Variants in NBAS observed in about 807,000 individuals in gnomAD.
The protein encoded by NBAS is NBAS subunit of NRZ tethering complex.
In NBAS, 219 loss-of-function variants were observed where a neutral mutation model predicts 302.5. The ratio of observed to expected loss-of-function variants is 0.72; its 90% CI spans 0.65 to 0.81. NBAS has a LOEUF of 0.81. Ranked by LOEUF, NBAS falls within the 30% of genes least tolerant of loss-of-function variation. NBAS has a pLI of 0.00. For missense variants in NBAS, 2,932 were observed against 2,841.6 expected (o/e 1.03, Z -0.72); for synonymous variants, 1,118 against 1,021.6 (o/e 1.09, Z -1.80).
chr2:15,318,439 G>A (rs993546663), intron 38 of NBAS, among the ~76,000 whole-genome samples: 2 of 152,114 alleles, frequency 1.3e-5, no homozygotes, highest in Non-Finnish European at 2.9e-5. Flanking sequence ...CCAATTAAAA[G>A]ACACAGACTG....
At chr2:15,252,218 G>A (rs927703285) in intron 44 of NBAS, among the ~76,000 whole-genome samples, 1 of 152,116 alleles carries the variant, frequency 6.6e-6, no homozygotes, top group African/African-American at 2.4e-5. Context: ...TGAACATAGC[G>A]CCGGGCACAG....
chr2:14,821,221 G>A, the NBAS span, among the ~76,000 whole-genome samples: 1 of 152,140 alleles, frequency 6.6e-6, no homozygotes, highest in Admixed American at 6.5e-5. Context: ...CACCGCGCCC[G>A]GCCAACAGAG....
intron 50 of NBAS, among the ~76,000 whole-genome samples, chr2:15,182,825 T>C (rs1664890672): frequency 6.6e-6 from 1 of 152,220 alleles, no homozygotes; most frequent in Non-Finnish European, 1.5e-5. Flanking sequence ...AGGAAAACCA[T>C]CATGGCCATA....
chr2:15,157,459 T>A, the NBAS span, among the ~76,000 whole-genome samples: 9 of 152,250 alleles, frequency 5.9e-5, no homozygotes, highest in East Asian at 1.2e-3. Flanking sequence ...CTTCCACAGC[T>A]CCCAGTGTGC....
At chr2:15,084,760 G>A in the NBAS span, among the ~76,000 whole-genome samples, 1 of 152,032 alleles carries the variant, frequency 6.6e-6, no homozygotes. Flanking sequence ...CTTTTCAAAG[G>A]TCTGAGAAGT....
At chr2:14,943,335 A>G in the NBAS span, among the ~76,000 whole-genome samples, 1 of 152,178 alleles carries the variant, frequency 6.6e-6, no homozygotes, top group Non-Finnish European at 1.5e-5. Context: ...TATCTTACCA[A>G]TTTCATGTAT....
intron 38 of NBAS, among the ~76,000 whole-genome samples, chr2:15,313,911 A>G (rs1233685703): frequency 1.3e-5 from 2 of 152,244 alleles, no homozygotes; most frequent in South Asian, 2.1e-4. Context: ...CTAGGAAACT[A>G]TGACTCAGAC....
chr2:15,004,667 A>ATTTT, the NBAS span, among the ~76,000 whole-genome samples: 1,448 of 105,396 alleles, frequency 0.014, 64 homozygotes, highest in African/African-American at 0.047. Flanking sequence ...CTCCCAGCTG[A>ATTTT]TTTTTTTTTT....
At chr2:14,816,418 A>G in the NBAS span, among the ~76,000 whole-genome samples, 2 of 152,124 alleles carry the variant, frequency 1.3e-5, no homozygotes, top group Non-Finnish European at 2.9e-5. Context: ...TCCCAAATCC[A>G]TCCCTCCTGC....
chr2:15,477,571 C>T (rs1310967604), intron 13 of NBAS, among the ~76,000 whole-genome samples: 1 of 152,148 alleles, frequency 6.6e-6, no homozygotes. Context: ...ATTGTAATAA[C>T]AGAGCCTGAA....
the NBAS span, among the ~76,000 whole-genome samples, chr2:14,895,985 C>T: frequency 7.2e-6 from 1 of 139,088 alleles, no homozygotes; most frequent in Non-Finnish European, 1.5e-5. Context: ...GCACGTGTTA[C>T]CTCCTGAGAC....
At chr2:15,205,303 T>A (rs7567605) in intron 48 of NBAS, among the ~76,000 whole-genome samples, 1 of 150,400 alleles carries the variant, frequency 6.6e-6, no homozygotes, top group African/African-American at 2.4e-5. Context: ...CAAGAGAAAA[T>A]CACCTTCACT....
At chr2:14,953,630 G>C in the NBAS span, among the ~76,000 whole-genome samples, 1 of 152,124 alleles carries the variant, frequency 6.6e-6, no homozygotes, top group Non-Finnish European at 1.5e-5. Context: ...GAACCAGTAA[G>C]AGCTCCATCC....
At chr2:14,975,891 C>T in the NBAS span, among the ~76,000 whole-genome samples, 1 of 152,122 alleles carries the variant, frequency 6.6e-6, no homozygotes, top group African/African-American at 2.4e-5. Flanking sequence ...TGACATCCAC[C>T]TCAACATATG....
chr2:14,932,130 A>G, the NBAS span, among the ~76,000 whole-genome samples: 12 of 152,210 alleles, frequency 7.9e-5, no homozygotes, highest in Non-Finnish European at 1.6e-4. Flanking sequence ...CAGGTAGACC[A>G]CTAGACCTTT....
At chr2:15,463,924 C>T (rs13004112) in intron 19 of NBAS, among the ~76,000 whole-genome samples, 86,798 of 151,708 alleles carry the variant, frequency 0.57, 26,368 homozygotes, top group Non-Finnish European at 0.68. Context: ...GACACACATA[C>T]CTAAATATTT....
At chr2:14,817,621 A>C in the NBAS span, among the ~76,000 whole-genome samples, 1 of 152,242 alleles carries the variant, frequency 6.6e-6, no homozygotes, top group Non-Finnish European at 1.5e-5. Flanking sequence ...TTCTTGATAC[A>C]TGTAAATGTT....
intron 28 of NBAS, among the ~76,000 whole-genome samples, chr2:15,392,214 G>A (rs1396052060): frequency 6.6e-6 from 1 of 151,598 alleles, no homozygotes; most frequent in African/African-American, 2.4e-5. Flanking sequence ...TGCAAAGTGG[G>A]GTTTTTAACA....
the NBAS span, among the ~76,000 whole-genome samples, chr2:14,863,929 A>C: frequency 1.3e-5 from 2 of 152,212 alleles, no homozygotes; most frequent in Admixed American, 1.3e-4. Context: ...CAGTTCTTCC[A>C]GTGAGGAGTG....
Sources: gnomAD v4.1 joint callset for allele counts (sites outside exome capture counted in the v4.1 genomes callset) on GRCh38, gnomAD v4.1.1 for gene constraint, MANE v1.5 for transcripts, NCBI Gene and HGNC (gene_info 2026-07-23, HGNC 2026-07-21) for gene names.